Variants in GPR62 observed in about 807,000 individuals in gnomAD.
GPR62 encodes the protein G-protein coupled receptor GPCR8.
For missense variants in GPR62, 513 were observed against 541.5 expected (o/e 0.95, Z 0.52); for synonymous variants, 280 against 286.9 (o/e 0.98, Z 0.24).
In GPR62 at chr3:51,956,216, G is replaced by T; in HGVS notation, c.564G>T (p.Leu188=). ...LLAFALPALL[L]LGAYGGIFVV... ...CCTTCGCGCTGCCCGCCCTCCTGCT[G>T]CTCGGCGCCTACGGCGGCATCTTCG... is the stretch of plus-strand genomic sequence containing the variant. Residue 188 remains leucine, a synonymous_variant, in exon 1 of 1, where the codon CTG becomes CTT. Transcript: ENST00000322241. The T allele has an allele frequency of 6.5e-7, 1 of 1,533,796 alleles. No homozygotes were observed. The highest frequency in any genetic ancestry group is 1.2e-5 in the South Asian group (1 of 83,200).
At position 51,956,029 on chromosome 3, in the gene GPR62, G is replaced by GGCCGCCGCCTGTGCTCGTGCTCACC; in HGVS notation, c.382_406dup (p.Val136AlafsTer95). The GGCCGCCGCCTGTGCTCGTGCTCACC allele has an allele frequency of 7.0e-7, 1 of 1,431,352 alleles. No individual in the cohort carries two copies. 88.7% of individuals were successfully genotyped at this position (1,431,352 alleles called of 1,614,324 possible). A position where few individuals can be genotyped will look rare whatever the true frequency, so the allele number is the denominator to read the frequency against. ...GTGCACCCGCTGCGGCCAGGCTCGC[G>GGCCGCCGCCTGTGCTCGTGCTCACC]GCCGCCGCCTGTGCTCGTGCTCACC... On this transcript the variant is annotated frameshift_variant, in exon 1 of 1. Transcript: ENST00000322241. LOFTEE classifies it low-confidence loss of function (END_TRUNC).
Position 51,955,711 on chromosome 3 carries a change from T to C in GPR62, c.59T>C (p.Leu20Pro). The change falls in exon 1 of 1, where the codon CTG becomes CCG. Residue 20 changes from leucine to proline, a missense_variant. By Grantham distance (98) the Leu-to-Pro change is moderately conservative. Coordinates refer to ENST00000322241, the MANE Select transcript of GPR62 (RefSeq NM_080865.4). ...GTCGCAGGCTCGTTGGGGTTGATCC[T>C]GGCAGCTGTCGTGGAGGTGGGGGCA... ...SEVAGSLGLI[L>P]AAVVEVGALL... 1.2e-6 allele frequency: 2 copies of C among 1,609,222 alleles called. No homozygotes were observed. The highest frequency in any genetic ancestry group is 1.7e-6 in the Non-Finnish European group (2 of 1,177,842).
chr3:51,957,202 G>A lies in GPR62; in HGVS notation c.*443G>A, dbSNP rs1025282724. The A allele has an allele frequency of 2.2e-5, 4 of 182,398 alleles. No homozygotes were observed. The highest frequency in any genetic ancestry group is 3.8e-5 in the Non-Finnish European group (3 of 79,210). 11.3% of individuals were successfully genotyped at this position (182,398 alleles called of 1,614,324 possible). A position where few individuals can be genotyped will look rare whatever the true frequency, so the allele number is the denominator to read the frequency against. ...ACTTCCCTGACATCTGCACCAAGGA[G>A]AGTCTGGACAAAGCTACTGAAACTC... is the stretch of plus-strand genomic sequence containing the variant. On this transcript the variant is annotated 3_prime_UTR_variant, in exon 1 of 1. Coordinates refer to ENST00000322241, the MANE Select transcript of GPR62 (RefSeq NM_080865.4).
Position 51,956,978 on chromosome 3 carries a change from C to T in GPR62, c.*219C>T, listed in dbSNP as rs1183868695. 2 of 704,730 alleles carry T rather than the reference C, an allele frequency of 2.8e-6. No homozygotes were observed. Among genetic ancestry groups the T allele is most frequent in the East Asian group, 6.5e-5 (2 of 30,934 alleles). The allele number at this position is 704,730 out of a possible 1,614,324, so 43.7% of individuals were successfully genotyped here. ...ACCCTTCCTTAGGCCTCAGCTTTCC[C>T]ATCTGCACCCTGCAGCATCTCTAAG... On this transcript the variant is annotated 3_prime_UTR_variant, in exon 1 of 1. Coordinates refer to ENST00000322241, the MANE Select transcript of GPR62 (RefSeq NM_080865.4).
In GPR62 at chr3:51,955,520, TG is replaced by T; in HGVS notation, c.-130del. The T allele has an allele frequency of 1.3e-6, 1 of 786,044 alleles. No homozygotes were observed. The highest frequency in any genetic ancestry group is 1.9e-6 in the Non-Finnish European group (1 of 515,236). The allele number at this position is 786,044 out of a possible 1,614,324, so 48.7% of individuals were successfully genotyped here. A position where few individuals can be genotyped will look rare whatever the true frequency, so the allele number is the denominator to read the frequency against. ...CAGCCTGGGCGTCGGAGCCACCTCC[TG>T]GGCAGCCAATGAGGTGAGGGGCCGG... On this transcript the variant is annotated 5_prime_UTR_variant, in exon 1 of 1. It removes the in-frame stop codon of an upstream open reading frame in the 5' UTR. Coordinates refer to ENST00000322241, the MANE Select transcript of GPR62 (RefSeq NM_080865.4).
rs776131371 is a variant in GPR62, at chr3:51,956,967, C to T, written c.*208C>T. On this transcript the variant is annotated 3_prime_UTR_variant, in exon 1 of 1. Coordinates refer to ENST00000322241, the MANE Select transcript of GPR62 (RefSeq NM_080865.4). ...TGCATAGGCCGACCCTTCCTTAGGC[C>T]TCAGCTTTCCCATCTGCACCCTGCA... The T allele has an allele frequency of 1.2e-6, 1 of 812,354 alleles. No individual in the cohort carries two copies. The highest frequency in any genetic ancestry group is 1.8e-6 in the Non-Finnish European group (1 of 557,370). 50.3% of individuals were successfully genotyped at this position (812,354 alleles called of 1,614,324 possible). A position where few individuals can be genotyped will look rare whatever the true frequency, so the allele number is the denominator to read the frequency against.
Position 51,955,990 on chromosome 3 carries a change from G to C in GPR62, c.338G>C (p.Arg113Pro). 2.8e-6 allele frequency: 4 copies of C among 1,432,608 alleles called. No homozygotes were observed. Among genetic ancestry groups the C allele is most frequent in the Non-Finnish European group, 2.7e-6 (3 of 1,094,578 alleles). The allele number at this position is 1,432,608 out of a possible 1,614,324, so 88.7% of individuals were successfully genotyped here. ...TLGVAALGLA[R>P]YRLIVHPLRP... Reference sequence around the variant, plus strand: ...GGGGTGGCCGCACTTGGCCTGGCACGCTACCGCCTCATCGTGCACCCGCTG... The same window carrying C: ...GGGGTGGCCGCACTTGGCCTGGCACCCTACCGCCTCATCGTGCACCCGCTG... Residue 113 changes from arginine (R) to proline (P), a missense_variant, in exon 1 of 1, where the codon CGC becomes CCC. Physicochemically the swap from Arg to Pro is moderately radical, Grantham distance 103. Transcript: ENST00000322241.
Position 51,956,305 on chromosome 3 carries a change from A to G in GPR62, c.653A>G (p.Asp218Gly). The change falls in exon 1 of 1, where the codon GAC (aspartate) becomes GGC (glycine). Residue 218 changes from aspartate to glycine, a missense_variant. Asp to Gly is a moderately conservative substitution (Grantham distance 94). Transcript: ENST00000322241. ...RPARGSRLHS[D>G]SLDSRLSILP... ...GCGCGCGGGTCCCGACTCCACTCGGACTCTCTGGATAGCCGCCTTTCCATC... is the reference window on the plus strand; with the variant it reads ...GCGCGCGGGTCCCGACTCCACTCGGGCTCTCTGGATAGCCGCCTTTCCATC... 1 of 1,571,590 alleles carries G rather than the reference A, an allele frequency of 6.4e-7. No homozygotes were observed. The highest frequency in any genetic ancestry group is 8.5e-7 in the Non-Finnish European group (1 of 1,169,592).
At position 51,956,186 on chromosome 3, in the gene GPR62, G is replaced by A; in HGVS notation, c.534G>A (p.Leu178=). Residue 178 remains leucine, a synonymous_variant, in exon 1 of 1, where the codon CTG becomes CTA. Transcript: ENST00000322241. ...GGCCCTTCCGGCCGCTCTGGGCCCT[G>A]CTGGCCTTCGCGCTGCCCGCCCTCC... is the stretch of plus-strand genomic sequence containing the variant. The part of the protein sequence containing the change: ...GLGPFRPLWA[L]LAFALPALLL... The A allele has an allele frequency of 2.0e-6, 3 of 1,497,732 alleles. No homozygotes were observed. Among genetic ancestry groups the A allele is most frequent in the Non-Finnish European group, 2.6e-6 (3 of 1,134,430 alleles). 92.8% of individuals were successfully genotyped at this position (1,497,732 alleles called of 1,614,324 possible).
In GPR62 at chr3:51,956,721, C is replaced by T. The variant is rs746802965; in HGVS notation, c.1069C>T (p.Pro357Ser). Residue 357 changes from proline (P) to serine (S), a missense_variant, in exon 1 of 1, where the codon CCC (proline) becomes TCC (serine). Pro to Ser is a moderately conservative substitution (Grantham distance 74, BLOSUM62 -1). Coordinates refer to ENST00000322241, the MANE Select transcript of GPR62 (RefSeq NM_080865.4). ...QTPELAGGRS[P>S]AYQGPPESSL... is the part of the protein sequence containing the mutation. ...CCCCGAGTTGGCAGGAGGGCGGAGC[C>T]CCGCATACCAGGGGCCACCTGAGAG... is the stretch of plus-strand genomic sequence containing the variant. The T allele has an allele frequency of 6.2e-7, 1 of 1,610,896 alleles. No individual in the cohort carries two copies. Among genetic ancestry groups the T allele is most frequent in the South Asian group, 1.1e-5 (1 of 90,900 alleles).
In GPR62 at chr3:51,956,762, A is replaced by G; in HGVS notation, c.*3A>G. On this transcript the variant is annotated 3_prime_UTR_variant, in exon 1 of 1. Transcript: ENST00000322241. ...CACCTGAGAGTTCTCTCTCCTGAGCAGGAGAAAGGAGGGTGGTTTCCGTGG... is the reference window on the plus strand; with the variant it reads ...CACCTGAGAGTTCTCTCTCCTGAGCGGGAGAAAGGAGGGTGGTTTCCGTGG... 1 of 1,584,036 alleles carries G rather than the reference A, an allele frequency of 6.3e-7. No homozygotes were observed. Among genetic ancestry groups the G allele is most frequent in the Non-Finnish European group, 8.6e-7 (1 of 1,166,458 alleles).
Position 51,956,525 on chromosome 3 carries a change from G to T in GPR62, c.873G>T (p.Gly291=), listed in dbSNP as rs372871180. ...TCGCGGCTCACCCCTTCCTGTACGGGCTGCTGCAGCGCCCCGTGCGCTTGG... is the reference window on the plus strand; with the variant it reads ...TCGCGGCTCACCCCTTCCTGTACGGTCTGCTGCAGCGCCCCGTGCGCTTGG... ...SAFAAHPFLY[G]LLQRPVRLAL... The change falls in exon 1 of 1, where the codon GGG becomes GGT. Residue 291 remains glycine, a synonymous_variant. Transcript: ENST00000322241. The T allele has an allele frequency of 2.5e-6, 4 of 1,603,872 alleles. No individual in the cohort carries two copies. The African/African-American group carries it at 4.0e-5, about 16-fold the overall frequency.
rs772229309 is a variant in GPR62 at position 51,955,827 on chromosome 3, C to G, written c.175C>G (p.Leu59Val). Reference protein sequence around the residue: ...LYLAHLCVVDLLAAASIMPLG... With the variant: ...LYLAHLCVVDVLAAASIMPLG... ...CCTGGCGCACCTGTGCGTCGTGGAC[C>G]TGCTGGCGGCCGCCTCCATCATGCC... Residue 59 changes from leucine (L) to valine (V), a missense_variant, in exon 1 of 1, where the codon CTG becomes GTG. By Grantham distance (32) the Leu-to-Val change is conservative. Coordinates refer to ENST00000322241, the MANE Select transcript of GPR62 (RefSeq NM_080865.4). 3 of 1,533,600 alleles carry G rather than the reference C, an allele frequency of 2.0e-6. No homozygotes were observed. Among genetic ancestry groups the G allele is most frequent in the African/African-American group, 2.8e-5 (2 of 70,444 alleles). 95.0% of individuals were successfully genotyped at this position (1,533,600 alleles called of 1,614,324 possible).
chr3:51,956,982 T>G lies in GPR62; in HGVS notation c.*223T>G. 2 of 684,670 alleles carry G rather than the reference T, an allele frequency of 2.9e-6. No homozygotes were observed. The highest frequency in any genetic ancestry group is 4.5e-6 in the Non-Finnish European group (2 of 445,900). The allele number at this position is 684,670 out of a possible 1,614,324, so 42.4% of individuals were successfully genotyped here. ...TTCCTTAGGCCTCAGCTTTCCCATC[T>G]GCACCCTGCAGCATCTCTAAGGGCC... On this transcript the variant is annotated 3_prime_UTR_variant, in exon 1 of 1. Transcript: ENST00000322241.
Position 51,956,810 on chromosome 3 carries a change from G to A in GPR62, c.*51G>A, listed in dbSNP as rs1699858790. 6.6e-7 allele frequency: 1 copy of A among 1,516,124 alleles called. No individual in the cohort carries two copies. Among genetic ancestry groups the A allele is most frequent in the Non-Finnish European group, 8.8e-7 (1 of 1,133,712 alleles). The allele number at this position is 1,516,124 out of a possible 1,614,324, so 93.9% of individuals were successfully genotyped here. On this transcript the variant is annotated 3_prime_UTR_variant, in exon 1 of 1. Transcript: ENST00000322241. ...TGGGGGCTCATCCAACCCCTGCACA[G>A]GTCACAGCAGGTGCCCTGCTGGATA... is the stretch of plus-strand genomic sequence containing the variant.
In GPR62 at chr3:51,957,116, G is replaced by T. The variant is rs1000651797; in HGVS notation, c.*357G>T. Reference sequence around the variant, plus strand: ...GCTCACAACCAAAGTGATCCGCCAAGCAGGGCAGTATCTGGGTTACAGCCA... The same window carrying T: ...GCTCACAACCAAAGTGATCCGCCAATCAGGGCAGTATCTGGGTTACAGCCA... On this transcript the variant is annotated 3_prime_UTR_variant, in exon 1 of 1. Coordinates refer to ENST00000322241, the MANE Select transcript of GPR62 (RefSeq NM_080865.4). The T allele has an allele frequency of 1.1e-5, 3 of 283,144 alleles. No individual in the cohort carries two copies. Among genetic ancestry groups the T allele is most frequent in the Non-Finnish European group, 2.1e-5 (3 of 144,134 alleles). 17.5% of individuals were successfully genotyped at this position (283,144 alleles called of 1,614,324 possible).
rs772406409 is a variant in GPR62, at chr3:51,955,623, C to T, written c.-30C>T. ...TTAGGCTCCATTCTGCCATCTACAT[C>T]CCAGCGCAGGGTGAAGCCTGAGAGC... On this transcript the variant is annotated 5_prime_UTR_variant, in exon 1 of 1. Coordinates refer to ENST00000322241, the MANE Select transcript of GPR62 (RefSeq NM_080865.4). The T allele has an allele frequency of 6.6e-7, 1 of 1,520,620 alleles. No homozygotes were observed. The highest frequency in any genetic ancestry group is 1.9e-5 in the Admixed American group (1 of 52,280). 94.2% of individuals were successfully genotyped at this position (1,520,620 alleles called of 1,614,324 possible). A position where few individuals can be genotyped will look rare whatever the true frequency, so the allele number is the denominator to read the frequency against.
chr3:51,956,952 G>A lies in GPR62; in HGVS notation c.*193G>A. 3 of 959,114 alleles carry A rather than the reference G, an allele frequency of 3.1e-6. No homozygotes were observed. The highest frequency in any genetic ancestry group is 6.1e-5 in the East Asian group (2 of 32,956). 59.4% of individuals were successfully genotyped at this position (959,114 alleles called of 1,614,324 possible). On this transcript the variant is annotated 3_prime_UTR_variant, in exon 1 of 1. Coordinates refer to ENST00000322241, the MANE Select transcript of GPR62 (RefSeq NM_080865.4). ...CACTGCATAGCACTGTGCATAGGCC[G>A]ACCCTTCCTTAGGCCTCAGCTTTCC... is the stretch of plus-strand genomic sequence containing the variant.
In GPR62 at chr3:51,956,406, G is replaced by C. The variant is rs768236404; in HGVS notation, c.754G>C (p.Ala252Pro). 2.0e-6 allele frequency: 3 copies of C among 1,526,746 alleles called. No homozygotes were observed. The highest frequency in any genetic ancestry group is 2.6e-6 in the Non-Finnish European group (3 of 1,145,438). 94.6% of individuals were successfully genotyped at this position (1,526,746 alleles called of 1,614,324 possible). The change falls in exon 1 of 1, where the codon GCC (alanine) becomes CCC (proline). Residue 252 changes from alanine (A) to proline (P), a missense_variant. Coordinates refer to ENST00000322241, the MANE Select transcript of GPR62 (RefSeq NM_080865.4). ...AGCGCTGGCCGTGGGCCAATTTGCA[G>C]CCTGCTGGCTGCCTTATGGCTGCGC... ...APALAVGQFA[A>P]CWLPYGCACL...
Sources: gnomAD v4.1 joint callset for allele counts on GRCh38, gnomAD v4.1.1 for gene constraint, MANE v1.5 for transcripts, NCBI Gene and HGNC (gene_info 2026-07-23, HGNC 2026-07-21) for gene names.